Variants in RWDD3 observed in about 807,000 individuals in gnomAD.
The protein encoded by RWDD3 is RWD domain-containing protein 3.
RWDD3 carries 30 observed loss-of-function variants against 26.5 expected under a neutral mutation model. The observed-to-expected ratio is 1.13, with a 90% confidence interval of 0.85 to 1.54. The LOEUF is 1.54. RWDD3 is among the 40% of genes most tolerant of loss of function. The probability of loss-of-function intolerance (pLI) is 0.00; values close to 1 mark genes in which losing one functional copy is unlikely to be tolerated. For missense variants in RWDD3, 296 were observed against 309.1 expected, an observed-to-expected ratio of 0.96 and a Z score of 0.32; for synonymous variants, 113 against 114.5, an observed-to-expected ratio of 0.99 and a Z score of 0.09.
intron 1 of RWDD3, chr1:95,239,862 C>A (rs1404283276): frequency 1.6e-6 from 2 of 1,289,794 alleles, no homozygotes; most frequent in African/African-American, 3.0e-5. Flanking sequence ...TCCCCCTGGA[C>A]TACCAACATG....
At chr1:95,235,235 G>T (rs1394490301) in intron 1 of RWDD3, among the ~76,000 whole-genome samples, 1 of 145,792 alleles carries the variant, frequency 6.9e-6, no homozygotes, top group East Asian at 2.1e-4. Flanking sequence ...TTTTTTTTTA[G>T]TAGAGACAGG....
rs976826788 is a variant in RWDD3 at position 95,239,681 on chromosome 1, G to C, written c.86-4530G>C. On this transcript the variant is annotated intron_variant, in intron 1 of 3. Transcript: ENST00000370202. ...CTTTCCAATTCTTAAAAGAACTAAG[G>C]CAGTTTTCTTCCGAACATATAACTA... The C allele has an allele frequency of 4.8e-6, 5 of 1,047,642 alleles. No homozygotes were observed. In the African/African-American group the frequency reaches 8.4e-5, roughly 18 times the overall value. The allele number at this position is 1,047,642 out of a possible 1,614,324, so 64.9% of individuals were successfully genotyped here. A position where few individuals can be genotyped will look rare whatever the true frequency, so the allele number is the denominator to read the frequency against.
At chr1:95,245,905 CT>C (rs888540527) in intron 2 of RWDD3, among the ~76,000 whole-genome samples, 2 of 152,100 alleles carry the variant, frequency 1.3e-5, no homozygotes, top group African/African-American at 4.8e-5. Flanking sequence ...AACTAGAACC[CT>C]GCTAATGTAG....
chr1:95,239,521 A>G (rs1292190117), intron 1 of RWDD3, among the ~76,000 whole-genome samples: 1 of 152,152 alleles, frequency 6.6e-6, no homozygotes. Flanking sequence ...TACCAGAAGA[A>G]TGGAGTATGT....
intron 1 of RWDD3, among the ~76,000 whole-genome samples, chr1:95,242,145 C>T (rs1339810588): frequency 6.6e-6 from 1 of 152,220 alleles, no homozygotes; most frequent in Non-Finnish European, 1.5e-5. Context: ...CCTGACTGAA[C>T]TCCCACACCA....
rs368987417 is a variant in RWDD3 at position 95,246,788 on chromosome 1, C to T, written c.722C>T (p.Ala241Val). 5.1e-6 allele frequency: 8 copies of T among 1,569,540 alleles called. No individual in the cohort carries two copies. Among genetic ancestry groups the T allele is most frequent in the East Asian group, 2.3e-5 (1 of 43,510 alleles). The change falls in exon 4 of 4, where the codon GCG (alanine) becomes GTG (valine). Residue 241 changes from alanine to valine, a missense_variant. Physicochemically the swap from Ala to Val is moderately conservative, Grantham distance 64. Transcript: ENST00000370202. Reference protein sequence around the residue: ...FLAFEVKEYSALDELQKEFET... With the variant: ...FLAFEVKEYSVLDELQKEFET... ...GCATTTGAAGTCAAAGAGTATTCAG[C>T]GTTGGATGAATTACAAAAGGAATTT...
intron 1 of RWDD3, chr1:95,239,731 G>C: frequency 8.2e-7 from 1 of 1,220,076 alleles, no homozygotes; most frequent in Non-Finnish European, 1.0e-6. Context: ...GTTTTCTAAG[G>C]TGAAAGTCAG....
chr1:95,241,186 A>G (rs111286487), intron 1 of RWDD3, among the ~76,000 whole-genome samples: 50 of 152,296 alleles, frequency 3.3e-4, no homozygotes, highest in African/African-American at 1.2e-3. Context: ...CAAGTGGCCC[A>G]GCAGTTCCTA....
At chr1:95,246,435 G>T (rs960936839) in intron 2 of RWDD3, 107 bp from the exon 3 acceptor site, 1 of 592,284 alleles carries the variant, frequency 1.7e-6, no homozygotes, top group Non-Finnish European at 3.0e-6. Flanking sequence ...ATTTAAAAAG[G>T]GGGTATTTAA....
In RWDD3 at chr1:95,236,480, T is replaced by G. The variant is rs1680364403; in HGVS notation, c.85+2165T>G. Among the ~76,000 whole-genome samples the G allele has an allele frequency of 2.0e-5, 3 of 152,340 alleles. No homozygotes were observed. In the South Asian group the frequency reaches 6.2e-4, roughly 32 times the overall value. ...TTTATTCCTTCTTGCATTCATCCAC[T>G]CACATCCACTCATTGGGCACTGTTA... is the stretch of plus-strand genomic sequence containing the variant. On this transcript the variant is annotated intron_variant, in intron 1 of 3. Transcript: ENST00000370202.
intron 1 of RWDD3, among the ~76,000 whole-genome samples, chr1:95,239,385 AAGG>A (rs1385186152): frequency 6.6e-6 from 1 of 152,228 alleles, no homozygotes; most frequent in Non-Finnish European, 1.5e-5. Flanking sequence ...CTGAGGCAGA[AAGG>A]AGCCAGTTTA....
intron 1 of RWDD3, among the ~76,000 whole-genome samples, chr1:95,238,096 G>A (rs1289427393): frequency 1.3e-5 from 2 of 152,238 alleles, no homozygotes; most frequent in Admixed American, 1.3e-4. Flanking sequence ...AGGAAATTGA[G>A]TGACACAGAT....
intron 1 of RWDD3, among the ~76,000 whole-genome samples, chr1:95,241,060 A>G (rs1322579796): frequency 6.6e-6 from 1 of 151,896 alleles, no homozygotes; most frequent in Non-Finnish European, 1.5e-5. Context: ...AAAGCAAACA[A>G]AAACAAAAAA....
intron 1 of RWDD3, among the ~76,000 whole-genome samples, chr1:95,235,254 G>A (rs1369171371): frequency 2.0e-5 from 3 of 146,990 alleles, no homozygotes; most frequent in Non-Finnish European, 4.5e-5. Flanking sequence ...GGGTTTCACC[G>A]TGTTAGCCAG....
chr1:95,238,643 A>G (rs550816285), intron 1 of RWDD3, among the ~76,000 whole-genome samples: 1 of 152,218 alleles, frequency 6.6e-6, no homozygotes, highest in South Asian at 2.1e-4. Context: ...AGTGTAGGGA[A>G]GGTCAGATGT....
chr1:95,239,741 G>T, intron 1 of RWDD3: 2 of 1,230,358 alleles, frequency 1.6e-6, no homozygotes, highest in African/African-American at 1.6e-5. Context: ...GTGAAAGTCA[G>T]GAGTTTCACC....
intron 1 of RWDD3, among the ~76,000 whole-genome samples, chr1:95,235,965 T>C (rs574831304): frequency 6.6e-6 from 1 of 152,318 alleles, no homozygotes; most frequent in South Asian, 2.1e-4. Flanking sequence ...ATGAGATTTA[T>C]CGTTCTAATG....
At chr1:95,246,437 G>A (rs1680853264) in intron 2 of RWDD3, 105 bp from the exon 3 acceptor site, 1 of 593,534 alleles carries the variant, frequency 1.7e-6, no homozygotes, top group Non-Finnish European at 3.0e-6. Context: ...TTAAAAAGGG[G>A]GTATTTAAGC....
rs746444889 is a variant in RWDD3 at position 95,246,594 on chromosome 1, A to G, written c.626A>G (p.Lys209Arg). 1.2e-6 allele frequency: 2 copies of G among 1,613,112 alleles called. No homozygotes were observed. Among genetic ancestry groups the G allele is most frequent in the South Asian group, 2.2e-5 (2 of 91,018 alleles). Residue 209 changes from lysine to arginine, a missense_variant, in exon 3 of 4, where the codon AAG (lysine) becomes AGG (arginine). Lys to Arg is a conservative substitution (Grantham distance 26). Transcript: ENST00000370202. ...TSKVDVDSSG[K>R]KCKEKMISVL... ...AAAGTAGATGTGGACTCAAGTGGAA[A>G]GAAATGCAAAGAGAAAATGATTAGT...
Sources: allele counts gnomAD v4.1 joint callset (sites outside exome capture counted in the v4.1 genomes callset), GRCh38; gene constraint gnomAD v4.1.1; transcripts MANE v1.5; gene names NCBI Gene and HGNC (gene_info 2026-07-23, HGNC 2026-07-21).